Variants in FGD6 observed in about 807,000 individuals in gnomAD.
FGD6 encodes FYVE, RhoGEF and PH domain containing 6, also known as FYVE, RhoGEF and PH domain-containing protein 6.
In FGD6, 90 loss-of-function variants were observed where a neutral mutation model predicts 149.4. The ratio of observed to expected loss-of-function variants is 0.60; its 90% CI spans 0.51 to 0.72. The LOEUF is 0.72. FGD6 is among the 30% of genes least tolerant of loss of function. The pLI is 0.00. For synonymous variants in FGD6, 527 were observed against 584.0 expected (o/e 0.90, Z 1.41); for missense variants, 1,437 against 1,684.8 (o/e 0.85, Z 2.57).
chr12:95,152,375 G>C (rs895047166), intron 5 of FGD6, among the ~76,000 whole-genome samples: 1 of 152,010 alleles, frequency 6.6e-6, no homozygotes, highest in African/African-American at 2.4e-5. Flanking sequence ...ACAGAAAATA[G>C]AACTAAAACT....
chr12:95,152,996 G>A lies in FGD6; in HGVS notation c.2587-3C>T. On this transcript the variant is annotated splice_region_variant and splice_polypyrimidine_tract_variant and intron_variant, in intron 3 of 20. Coordinates refer to ENST00000343958, the MANE Select transcript of FGD6 (RefSeq NM_018351.4). ...CTTTTCATTCCATTATCTTCATCCT[G>A]TGGATAAGAGCACATTTAACATGAA... 1 of 1,612,358 alleles carries A rather than the reference G, an allele frequency of 6.2e-7. No homozygotes were observed. Among genetic ancestry groups the A allele is most frequent in the African/African-American group, 1.3e-5 (1 of 74,996 alleles).
At chr12:95,108,250 G>A (rs1307596617) in intron 11 of FGD6, 98 bp downstream of exon 11, 2 of 1,048,950 alleles carry the variant, frequency 1.9e-6, no homozygotes, top group East Asian at 2.6e-5. Context: ...TCAATGAAGA[G>A]TAACAAAAAC....
intron 18 of FGD6, among the ~76,000 whole-genome samples, chr12:95,086,145 C>T (rs1035840524): frequency 6.6e-6 from 1 of 151,614 alleles, no homozygotes; most frequent in Non-Finnish European, 1.5e-5. Context: ...TGTGCCTGCA[C>T]GTGTTTGCGT....
chr12:95,155,670 C>T (rs189527837), intron 3 of FGD6, among the ~76,000 whole-genome samples: 250 of 152,276 alleles, frequency 1.6e-3, no homozygotes, highest in Middle Eastern at 6.8e-3. Context: ...AAATAGTAGT[C>T]AGTCATTAGA....
At chr12:95,119,520 C>T (rs1229449701) in intron 8 of FGD6, among the ~76,000 whole-genome samples, 1 of 152,174 alleles carries the variant, frequency 6.6e-6, no homozygotes, top group African/African-American at 2.4e-5. Context: ...AGTAGGATGG[C>T]AATACAACCT....
At chr12:95,135,483 A>T (rs1380020990) in intron 7 of FGD6, among the ~76,000 whole-genome samples, 1 of 152,204 alleles carries the variant, frequency 6.6e-6, no homozygotes, top group Non-Finnish European at 1.5e-5. Context: ...CTTGACTACA[A>T]AGACATTTGG....
At chr12:95,149,318 CATATATTATATA>C (rs1395242901) in intron 5 of FGD6, among the ~76,000 whole-genome samples, 2 of 64,506 alleles carry the variant, frequency 3.1e-5, no homozygotes, top group Non-Finnish European at 5.9e-5. Context: ...TATTATATAG[CATATATTATATA>C]ATATATTATA....
At position 95,092,604 on chromosome 12, in the gene FGD6, AC is replaced by A. The variant is rs919092647; in HGVS notation, c.3747+94del. ...TAATAATAGTTATTGTTATTCTTGA[AC>A]TATAATGGTTTATGAGGGGAAATAT... On this transcript the variant is annotated intron_variant, in intron 16 of 20. Transcript: ENST00000343958. 1.5e-5 allele frequency: 19 copies of A among 1,245,532 alleles called. No homozygotes were observed. The African/African-American group carries it at 2.7e-4, about 18-fold the overall frequency. The allele number at this position is 1,245,532 out of a possible 1,614,324, so 77.2% of individuals were successfully genotyped here.
chr12:95,099,922 TATTGGA>T (rs2136237330), intron 14 of FGD6, among the ~76,000 whole-genome samples: 2 of 152,186 alleles, frequency 1.3e-5, no homozygotes, highest in South Asian at 4.2e-4. Context: ...GCTCTACCTA[TATTGGA>T]ATTCTTGCTG....
intron 17 of FGD6, among the ~76,000 whole-genome samples, chr12:95,090,041 T>C (rs1041120442): frequency 1.2e-4 from 18 of 152,200 alleles, no homozygotes; most frequent in African/African-American, 4.3e-4. Context: ...GTCTAGATAC[T>C]AGACCAGCTA....
At chr12:95,158,158 A>G (rs1233333371) in intron 3 of FGD6, among the ~76,000 whole-genome samples, 2 of 108,278 alleles carry the variant, frequency 1.8e-5, no homozygotes, top group Non-Finnish European at 3.6e-5. Context: ...CCATACATTC[A>G]CTCACTTTTT....
chr12:95,139,851 G>T (rs1879792913), intron 6 of FGD6, among the ~76,000 whole-genome samples: 1 of 152,036 alleles, frequency 6.6e-6, no homozygotes, highest in Admixed American at 6.6e-5. Context: ...TGGCTAGGCT[G>T]GTCTCGAGCT....
chr12:95,152,751 G>A (rs1157023519), intron 5 of FGD6, 60 bp downstream of exon 5: 13 of 1,491,264 alleles, frequency 8.7e-6, no homozygotes, highest in African/African-American at 2.8e-5. Context: ...ACTTCTAGGG[G>A]TAGGGAAAGT....
intron 13 of FGD6, among the ~76,000 whole-genome samples, chr12:95,105,535 A>G (rs921849661): frequency 6.6e-6 from 1 of 152,166 alleles, no homozygotes; most frequent in Non-Finnish European, 1.5e-5. Context: ...CTTTATAGGT[A>G]TTTACGTGTA....
chr12:95,140,907 G>T (rs936635515), intron 6 of FGD6, among the ~76,000 whole-genome samples: 6 of 152,174 alleles, frequency 3.9e-5, no homozygotes, highest in Admixed American at 3.3e-4. Context: ...GGTGTGCCAA[G>T]GTTGTGAATT....
intron 8 of FGD6, among the ~76,000 whole-genome samples, chr12:95,127,328 G>A (rs574458428): frequency 3.9e-5 from 6 of 152,178 alleles, no homozygotes; most frequent in East Asian, 3.9e-4. Context: ...AGTGGATCAC[G>A]AGGTCAGGAG....
At chr12:95,134,549 A>G (rs923224749) in intron 8 of FGD6, among the ~76,000 whole-genome samples, 190 bp downstream of exon 8, 4 of 152,190 alleles carry the variant, frequency 2.6e-5, no homozygotes, top group Non-Finnish European at 5.9e-5. Flanking sequence ...ATGGATGATC[A>G]AAGAACCGAA....
chr12:95,113,526 G>A (rs1019603306), intron 9 of FGD6, 125 bp downstream of exon 9: 107 of 741,192 alleles, frequency 1.4e-4, no homozygotes, highest in Middle Eastern at 2.7e-4. Context: ...GTGAGCCACC[G>A]CACCTGCCCT....
rs1879714878 is a variant in FGD6 at position 95,137,790 on chromosome 12, G to C, written c.2838-112C>G. 1.9e-5 allele frequency: 13 copies of C among 696,132 alleles called. No individual in the cohort carries two copies. In the South Asian group the frequency reaches 4.7e-4, roughly 25 times the overall value. The allele number at this position is 696,132 out of a possible 1,614,324, so 43.1% of individuals were successfully genotyped here. ...CCAACTTATCTTTTTTTCTCTTCTT[G>C]TAAGACATACCTCAAAATGCCTACT... On this transcript the variant is annotated intron_variant, in intron 6 of 20. Transcript: ENST00000343958.
Sources: gnomAD v4.1 joint callset for allele counts (sites outside exome capture counted in the v4.1 genomes callset) on GRCh38, gnomAD v4.1.1 for gene constraint, MANE v1.5 for transcripts, NCBI Gene and HGNC (gene_info 2026-07-23, HGNC 2026-07-21) for gene names.